The following NCOR2 variants were observed in gnomAD, a reference collection of about 807,000 sequenced individuals.
NCOR2 encodes CTG repeat protein 26.
In NCOR2, 81 loss-of-function variants were observed where a neutral mutation model predicts 262.9. The observed-to-expected ratio is 0.31, with a 90% CI of 0.26 to 0.37. NCOR2 has a LOEUF of 0.37. Among genes scored for constraint, NCOR2 ranks in the 10% least tolerant of loss-of-function variants. NCOR2 has a pLI of 1.00. For synonymous variants in NCOR2, 1,659 were observed against 1,559.3 expected, an observed-to-expected ratio of 1.06 and a Z score of -1.51; for missense variants, 3,385 against 3,621.4, an observed-to-expected ratio of 0.93 and a Z score of 1.68.
intron 16 of NCOR2, among the ~76,000 whole-genome samples, chr12:124,386,164 A>C (rs1214147833): frequency 6.6e-6 from 1 of 152,064 alleles, no homozygotes; most frequent in Non-Finnish European, 1.5e-5. Context: ...GGAGGAGCCA[A>C]AAGCGACAGG....
At chr12:124,361,171 C>T (rs2038563891) in intron 22 of NCOR2, among the ~76,000 whole-genome samples, 1 of 150,026 alleles carries the variant, frequency 6.7e-6, no homozygotes, top group African/African-American at 2.4e-5. Flanking sequence ...CCCAAGGCAG[C>T]GGGGAGGGGA....
Position 124,333,290 on chromosome 12 carries a change from AAAGGGCC to A in NCOR2, c.6606-18_6606-12del, listed in dbSNP as rs760989362. The A allele has an allele frequency of 1.9e-6, 3 of 1,592,976 alleles. No homozygotes were observed. The Admixed American group carries it at 5.1e-5, about 27-fold the overall frequency. The stretch of plus-strand genomic sequence containing the variant: ...TTTGGCTCTGGAGACCTGGATGGAG[AAAGGGCC>A]CCAGATGTGGTCAGAGGTCTCCCTA... On this transcript the variant is annotated splice_polypyrimidine_tract_variant and intron_variant, in intron 41 of 46. Coordinates refer to ENST00000405201, the Ensembl canonical transcript of NCOR2.
intron 38 of NCOR2, chr12:124,335,939 G>GT: frequency 2.6e-6 from 1 of 390,344 alleles, no homozygotes. Context: ...CGAGGCCAGC[G>GT]TGAGATGGGG....
chr12:124,493,247 G>T (rs1383117581), intron 1 of NCOR2, among the ~76,000 whole-genome samples: 2 of 152,176 alleles, frequency 1.3e-5, no homozygotes, highest in Non-Finnish European at 2.9e-5. Context: ...CTAGGAGCCG[G>T]GTGAGGGCGG....
intron 22 of NCOR2, among the ~76,000 whole-genome samples, chr12:124,358,043 TG>T (rs1295909015): frequency 6.7e-6 from 1 of 149,398 alleles, no homozygotes; most frequent in Admixed American, 6.6e-5. Flanking sequence ...AGTGCATGGA[TG>T]TGTGTGTGCC....
intron 28 of NCOR2, 71 bp from the exon 31 acceptor site, chr12:124,348,385 G>A: frequency 6.6e-7 from 1 of 1,519,774 alleles, no homozygotes; most frequent in Non-Finnish European, 8.8e-7. Context: ...AGGCAGGACA[G>A]GCAGAGCCGG....
chr12:124,447,623 C>T (rs1417431927), intron 7 of NCOR2, among the ~76,000 whole-genome samples: 1 of 151,774 alleles, frequency 6.6e-6, no homozygotes, highest in Non-Finnish European at 1.5e-5. Context: ...TATATGAAGG[C>T]GTAAAGAGCT....
At chr12:124,375,664 G>A (rs1485484425) in intron 18 of NCOR2, among the ~76,000 whole-genome samples, 1 of 152,172 alleles carries the variant, frequency 6.6e-6, no homozygotes, top group Non-Finnish European at 1.5e-5. Context: ...CCCAGTACCG[G>A]GCTGCCTGGG....
intron 13 of NCOR2, among the ~76,000 whole-genome samples, chr12:124,419,545 A>T (rs571909762): frequency 1.3e-5 from 2 of 152,350 alleles, no homozygotes; most frequent in African/African-American, 4.8e-5. Flanking sequence ...GTATTAAGAT[A>T]AACACACACA....
At chr12:124,349,178 A>ACTG (rs1191837895) in intron 28 of NCOR2, among the ~76,000 whole-genome samples, 2 of 152,180 alleles carry the variant, frequency 1.3e-5, no homozygotes, top group Non-Finnish European at 2.9e-5. Flanking sequence ...GGCCCGGCTC[A>ACTG]CTGCTCCCCG....
intron 1 of NCOR2, among the ~76,000 whole-genome samples, chr12:124,555,232 G>A (rs912409814): frequency 6.6e-6 from 1 of 152,302 alleles, no homozygotes. Flanking sequence ...CATCCTACCA[G>A]CTCAGGGCCC....
chr12:124,381,700 T>C (rs2040421022), intron 17 of NCOR2, among the ~76,000 whole-genome samples: 2 of 152,134 alleles, frequency 1.3e-5, no homozygotes, highest in African/African-American at 4.8e-5. Flanking sequence ...GGCTGGACCA[T>C]CTCTCTGCAG....
chr12:124,356,915 C>A, intron 22 of NCOR2, 133 bp from the exon 25 acceptor site: 1 of 1,172,702 alleles, frequency 8.5e-7, no homozygotes, highest in Non-Finnish European at 1.1e-6. Context: ...TGGGCTCCTC[C>A]GGGAAGCCCC....
intron 7 of NCOR2, among the ~76,000 whole-genome samples, 193 bp from the exon 10 acceptor site, chr12:124,438,189 A>G (rs111575734): frequency 0.026 from 3,959 of 151,970 alleles, 69 homozygotes; most frequent in Middle Eastern, 0.048. Flanking sequence ...CCCGCGCGCG[A>G]GGCAGCCCCC....
Position 124,558,332 on chromosome 12 carries a change from G to C in NCOR2, c.-165+8976C>G, listed in dbSNP as rs1472907063. On this transcript the variant is annotated intron_variant, in intron 1 of 32. Transcript: ENST00000458234. ...CACAGAATTGTGGGGAGCGAGCCAA[G>C]GGGAGGCCACAGGTGGGCAGATGGG... Among the ~76,000 whole-genome samples the C allele has an allele frequency of 2.3e-5, 3 of 131,208 alleles. No individual in the cohort carries two copies. In the Admixed American group the frequency reaches 2.8e-4, roughly 12 times the overall value. 86.1% of individuals were successfully genotyped at this position (131,208 alleles called of 152,430 possible).
chr12:124,343,604 C>T (rs1360269955), intron 32 of NCOR2, among the ~76,000 whole-genome samples: 1 of 146,896 alleles, frequency 6.8e-6, no homozygotes, highest in East Asian at 2.1e-4. Context: ...GAGTGAAACA[C>T]GCTCAGAAGA....
chr12:124,566,957 G>A lies in NCOR2; in HGVS notation c.-165+351C>T, dbSNP rs953801050. ...GCCCCGCCAGGTCCGGGGCTACACC[G>A]GGTACAAGGGACGCCTGGCGGCCAA... On this transcript the variant is annotated intron_variant, in intron 1 of 32. Transcript: ENST00000458234. This position sits in a 1 kb window ranked among gnomAD's most constrained non-coding sequence, Gnocchi z 4.3. 2.6e-5 allele frequency among the ~76,000 whole-genome samples: 4 copies of A among 152,180 alleles called. No individual in the cohort carries two copies. The highest frequency in any genetic ancestry group is 5.9e-5 in the Non-Finnish European group (4 of 68,012).
rs2050774197 is a variant in NCOR2 at position 124,531,532 on chromosome 12, G to A, written c.-118+4033C>T. On this transcript the variant is annotated intron_variant, in intron 1 of 46. Transcript: ENST00000404621. The surrounding 1 kb of genome is among the most constrained non-coding windows in gnomAD (Gnocchi z 4.5). ...GGTAGGGAGCAGGAAGGAAGGGGGA[G>A]GGGAGGAAGGGATTGCAGGGAGCCC... 6.6e-6 allele frequency among the ~76,000 whole-genome samples: 1 copy of A among 152,088 alleles called. No individual in the cohort carries two copies. Among genetic ancestry groups the A allele is most frequent in the Admixed American group, 6.5e-5 (1 of 15,280 alleles).
At chr12:124,377,061 C>T (rs1476781194) in intron 18 of NCOR2, among the ~76,000 whole-genome samples, 1 of 152,160 alleles carries the variant, frequency 6.6e-6, no homozygotes, top group African/African-American at 2.4e-5. Flanking sequence ...TGGATGCACT[C>T]GTGACCGAGA....
Sources: allele counts gnomAD v4.1 joint callset (sites outside exome capture counted in the v4.1 genomes callset), GRCh38; gene constraint gnomAD v4.1.1; non-coding constraint Gnocchi (gnomAD v3.1); transcripts MANE v1.5; gene names NCBI Gene and HGNC (gene_info 2026-07-23, HGNC 2026-07-21).